SULT4A1: variants seen among roughly 807,000 people sequenced by gnomAD.
The protein encoded by SULT4A1 is sulfotransferase family 4A member 1.
A neutral mutation model predicts 35.2 loss-of-function variants in SULT4A1; 11 were observed. The ratio of observed to expected loss-of-function variants is 0.31; its 90% CI spans 0.20 to 0.52. The LOEUF (loss-of-function observed/expected upper bound fraction) is 0.52, where lower values mean the gene tolerates loss of function less well. SULT4A1 is among the 20% of genes least tolerant of loss of function. The pLI is 0.97. For missense variants in SULT4A1, 271 were observed against 383.7 expected (o/e 0.71, Z 2.45); for synonymous variants, 152 against 151.8 (o/e 1.00, Z -0.01).
intron 1 of SULT4A1, among the ~76,000 whole-genome samples, chr22:43,858,388 C>T (rs2049427444): frequency 6.6e-6 from 1 of 152,142 alleles, no homozygotes; most frequent in African/African-American, 2.4e-5. Context: ...AGAAACGTGA[C>T]CCCCGCAGAC....
At position 43,841,859 on chromosome 22, in the gene SULT4A1, G is replaced by A. The variant is rs1287207690; in HGVS notation, c.243C>T (p.Asn81=). 1.2e-6 allele frequency: 2 copies of A among 1,613,886 alleles called. No individual in the cohort carries two copies. Among genetic ancestry groups the A allele is most frequent in the African/African-American group, 2.7e-5 (2 of 74,934 alleles). The change falls in exon 2 of 7, where the codon AAC becomes AAT. Residue 81 remains asparagine (N), a synonymous_variant. Coordinates refer to ENST00000330884, the MANE Select transcript of SULT4A1 (RefSeq NM_014351.4). ...GADPDEIGLM[N]IDEQLPVLEY... is the part of the protein sequence containing the mutation. ...CCAGGACCGGGAGCTGCTCGTCGAT[G>A]TTCATCAAGCCGATCTCATCGGGGT...
intron 5 of SULT4A1, among the ~76,000 whole-genome samples, chr22:43,831,003 C>T (rs1213114603): frequency 2.0e-5 from 3 of 152,176 alleles, no homozygotes; most frequent in Non-Finnish European, 2.9e-5. Context: ...AATTAGAAGG[C>T]GAAACGCTGA....
At chr22:43,856,408 A>G (rs1032863778) in intron 1 of SULT4A1, among the ~76,000 whole-genome samples, 1 of 152,176 alleles carries the variant, frequency 6.6e-6, no homozygotes, top group Non-Finnish European at 1.5e-5. Context: ...CACAAGAGTT[A>G]CCATCCAGGC....
intron 1 of SULT4A1, among the ~76,000 whole-genome samples, chr22:43,848,224 A>G (rs926539848): frequency 1.3e-5 from 2 of 152,206 alleles, no homozygotes; most frequent in African/African-American, 4.8e-5. Flanking sequence ...CCTTCTTCAC[A>G]GAGCTGCTGG....
chr22:43,839,984 G>A lies in SULT4A1; in HGVS notation c.342C>T (p.Tyr114=). 6.2e-7 allele frequency: 1 copy of A among 1,610,912 alleles called. No individual in the cohort carries two copies. Among genetic ancestry groups the A allele is most frequent in the Non-Finnish European group, 8.5e-7 (1 of 1,178,966 alleles). ...TGTGGAGGTCAGAGGGCAGAAAGCGGTAGGGCAGGTGGCTCTTGATGAGGC... is the reference window on the plus strand; with the variant it reads ...TGTGGAGGTCAGAGGGCAGAAAGCGATAGGGCAGGTGGCTCTTGATGAGGC... ...SPRLIKSHLP[Y]RFLPSDLHNG... Residue 114 remains tyrosine, a synonymous_variant, in exon 3 of 7, where the codon TAC becomes TAT. Coordinates refer to ENST00000330884, the MANE Select transcript of SULT4A1 (RefSeq NM_014351.4).
At chr22:43,833,863 G>A (rs1473469223) in intron 4 of SULT4A1, 129 bp from the exon 5 acceptor site, 25 of 761,164 alleles carry the variant, frequency 3.3e-5, no homozygotes, top group South Asian at 2.5e-4. Flanking sequence ...TGATCCCTGC[G>A]GACAAGTCTG....
chr22:43,857,229 A>G (rs1026708159), intron 1 of SULT4A1, among the ~76,000 whole-genome samples: 14 of 152,090 alleles, frequency 9.2e-5, no homozygotes, highest in Non-Finnish European at 1.5e-4. Flanking sequence ...AGATTACCCA[A>G]ACTGGAACAA....
chr22:43,833,897 G>T (rs913594217), intron 4 of SULT4A1, among the ~76,000 whole-genome samples, 163 bp from the exon 5 acceptor site: 7 of 152,342 alleles, frequency 4.6e-5, no homozygotes, highest in African/African-American at 1.7e-4. Context: ...AGGCACTCAC[G>T]TCTTGAGCCA....
intron 4 of SULT4A1, among the ~76,000 whole-genome samples, chr22:43,835,085 C>CA (rs2063359047): frequency 7.4e-6 from 1 of 135,966 alleles, no homozygotes; most frequent in Non-Finnish European, 1.6e-5. Flanking sequence ...GAGCTTCCCG[C>CA]GCCCCCACCG....
At position 43,840,007 on chromosome 22, in the gene SULT4A1, G is replaced by C. The variant is rs778336831; in HGVS notation, c.319C>G (p.Leu107Val). The change falls in exon 3 of 7, where the codon CTC becomes GTC. Residue 107 changes from leucine to valine, a missense_variant. Coordinates refer to ENST00000330884, the MANE Select transcript of SULT4A1 (RefSeq NM_014351.4). The part of the protein sequence containing the change: ...DIIKELTSPR[L>V]IKSHLPYRFL... ...CGGTAGGGCAGGTGGCTCTTGATGA[G>C]GCGGGGAGAGGTCAGTTCCTGCGTG... 7 of 1,605,782 alleles carry C rather than the reference G, an allele frequency of 4.4e-6. No homozygotes were observed. In the South Asian group the frequency reaches 7.8e-5, roughly 18 times the overall value.
intron 6 of SULT4A1, among the ~76,000 whole-genome samples, chr22:43,827,883 AT>A (rs1163095610): frequency 6.6e-6 from 1 of 152,230 alleles, no homozygotes; most frequent in African/African-American, 2.4e-5. Context: ...AATAACAAAT[AT>A]TTATGAAAAT....
rs1221128585 is a variant in SULT4A1 at position 43,839,013 on chromosome 22, G to T, written c.382-20C>A. Reference sequence around the variant, plus strand: ...GATGACCTGTGGGTGACAGGAGCAGGATGAGTCCGTGTCTCCTTCCCTCCC... The same window carrying T: ...GATGACCTGTGGGTGACAGGAGCAGTATGAGTCCGTGTCTCCTTCCCTCCC... On this transcript the variant is annotated intron_variant, in intron 3 of 6. Coordinates refer to ENST00000330884, the MANE Select transcript of SULT4A1 (RefSeq NM_014351.4). 10 of 1,612,602 alleles carry T rather than the reference G, an allele frequency of 6.2e-6. No individual in the cohort carries two copies. Among genetic ancestry groups the T allele is most frequent in the African/African-American group, 5.3e-5 (4 of 75,050 alleles).
intron 1 of SULT4A1, 23 bp downstream of exon 1, chr22:43,862,191 G>C: frequency 6.7e-7 from 1 of 1,490,188 alleles, no homozygotes; most frequent in Non-Finnish European, 8.9e-7. Flanking sequence ...TGGCGTGGCG[G>C]GCGCGGTCGG....
At chr22:43,830,346 G>A (rs528848740) in intron 5 of SULT4A1, among the ~76,000 whole-genome samples, 3 of 152,356 alleles carry the variant, frequency 2.0e-5, no homozygotes, top group African/African-American at 2.4e-5. Flanking sequence ...CTGCTGGAGC[G>A]TTCAGCAGAA....
intron 5 of SULT4A1, among the ~76,000 whole-genome samples, chr22:43,831,457 A>G (rs1178406019): frequency 2.0e-5 from 3 of 151,738 alleles, no homozygotes. Flanking sequence ...CAGAAATTCC[A>G]CTCCTGGGTA....
chr22:43,847,641 C>T (rs1332957319), intron 1 of SULT4A1, among the ~76,000 whole-genome samples: 2 of 151,988 alleles, frequency 1.3e-5, no homozygotes, highest in Admixed American at 1.3e-4. Flanking sequence ...CCCAGTGGCC[C>T]AAAGCCTTCA....
rs1440930198 is a variant in SULT4A1, at chr22:43,824,627, G to C, written c.*1374C>G. On this transcript the variant is annotated 3_prime_UTR_variant, in exon 7 of 7. Transcript: ENST00000330884. ...TATAAATGAAATTTCACAGAAAGCA[G>C]CCTCCCTCACAGAAACACAGGCAAG... 1 of 152,270 alleles carries C rather than the reference G, an allele frequency of 6.6e-6. No homozygotes were observed. Among genetic ancestry groups the C allele is most frequent in the Non-Finnish European group, 1.5e-5 (1 of 68,054 alleles). The allele number at this position is 152,270 out of a possible 1,614,324, so 9.4% of individuals were successfully genotyped here.
intron 6 of SULT4A1, 147 bp from the exon 7 acceptor site, chr22:43,826,260 T>A (rs2063286118): frequency 6.9e-7 from 1 of 1,455,092 alleles, no homozygotes; most frequent in Admixed American, 2.8e-5. Flanking sequence ...AAGGGCCGTC[T>A]GAGCTACAGA....
At chr22:43,827,340 C>G (rs2063294614) in intron 6 of SULT4A1, 1 of 985,396 alleles carries the variant, frequency 1.0e-6, no homozygotes, top group Non-Finnish European at 1.2e-6. Context: ...CGGACTTTCT[C>G]TTTGGTAACA....
Sources: gnomAD v4.1 joint callset for allele counts (sites outside exome capture counted in the v4.1 genomes callset) on GRCh38, gnomAD v4.1.1 for gene constraint, MANE v1.5 for transcripts, NCBI Gene and HGNC (gene_info 2026-07-23, HGNC 2026-07-21) for gene names.